The following RBFOX1 variants were observed in gnomAD, a reference collection of about 807,000 sequenced individuals.
RBFOX1 encodes RNA binding fox-1 homolog 1.
Under a neutral mutation model 57.7 loss-of-function variants are expected in RBFOX1, and 8 were observed. The observed-to-expected ratio is 0.14, with a 90% CI of 0.08 to 0.25. The LOEUF (loss-of-function observed/expected upper bound fraction) is 0.25, where lower values mean the gene tolerates loss of function less well. Among genes scored for constraint, RBFOX1 ranks in the 10% least tolerant of loss-of-function variants. RBFOX1 has a pLI of 1.00. For synonymous variants in RBFOX1, 326 were observed against 222.4 expected, an observed-to-expected ratio of 1.47 and a Z score of -4.15; for missense variants, 611 against 548.5, an observed-to-expected ratio of 1.11 and a Z score of -1.14.
At chr16:6,689,887 A>G (rs1295796158) in intron 3 of RBFOX1, among the ~76,000 whole-genome samples, 2 of 152,142 alleles carry the variant, frequency 1.3e-5, no homozygotes, top group South Asian at 2.1e-4. Flanking sequence ...CTTTTGTTTC[A>G]TGCTTGTGAG....
At chr16:7,548,200 TC>T (rs1450946212) in intron 5 of RBFOX1, among the ~76,000 whole-genome samples, 1 of 152,086 alleles carries the variant, frequency 6.6e-6, no homozygotes, top group Non-Finnish European at 1.5e-5. Flanking sequence ...AGACAGAGAG[TC>T]CCATCTGTCA....
chr16:5,823,922 C>G (rs2055944945), intron 3 of RBFOX1, among the ~76,000 whole-genome samples: 1 of 151,864 alleles, frequency 6.6e-6, no homozygotes, highest in East Asian at 1.9e-4. Context: ...TAATTGAATC[C>G]CACATCTCCC....
chr16:5,395,587 T>C (rs1211692816), intron 1 of RBFOX1, among the ~76,000 whole-genome samples: 1 of 152,194 alleles, frequency 6.6e-6, no homozygotes, highest in Non-Finnish European at 1.5e-5. Flanking sequence ...GTGGAGACGT[T>C]CAGGTGGTCC....
intron 1 of RBFOX1, among the ~76,000 whole-genome samples, chr16:5,353,802 C>T (rs192709762): frequency 1.8e-4 from 27 of 151,600 alleles, no homozygotes; most frequent in South Asian, 2.1e-4. Flanking sequence ...GGCTACTGTG[C>T]GCTTGCTCGC....
intron 2 of RBFOX1, among the ~76,000 whole-genome samples, chr16:6,416,132 C>T (rs1241493735): frequency 6.6e-6 from 1 of 152,186 alleles, no homozygotes; most frequent in Admixed American, 6.5e-5. Flanking sequence ...GCCGTGTCTA[C>T]TTTTTGGAAC....
At chr16:6,270,956 A>G (rs2075141039) in intron 1 of RBFOX1, among the ~76,000 whole-genome samples, 1 of 152,258 alleles carries the variant, frequency 6.6e-6, no homozygotes, top group Non-Finnish European at 1.5e-5. Context: ...CATGGATTAA[A>G]GAAGGAGTCT....
At chr16:5,681,750 G>A (rs191281903) in intron 3 of RBFOX1, among the ~76,000 whole-genome samples, 8 of 152,128 alleles carry the variant, frequency 5.3e-5, no homozygotes, top group Non-Finnish European at 5.9e-5. Context: ...AGAACGAGAA[G>A]GGGATATTTC....
chr16:5,629,617 C>G (rs561700861), intron 3 of RBFOX1, among the ~76,000 whole-genome samples: 1 of 152,192 alleles, frequency 6.6e-6, no homozygotes, highest in Non-Finnish European at 1.5e-5. Context: ...CACAAGAGAT[C>G]TTGTCCGTGG....
chr16:7,024,619 T>G (rs1033640414), intron 3 of RBFOX1, among the ~76,000 whole-genome samples: 13 of 152,188 alleles, frequency 8.5e-5, no homozygotes. Context: ...GCCACTCCCC[T>G]GCCACCATCT....
chr16:7,529,446 TGTA>T (rs1210787623), intron 5 of RBFOX1, among the ~76,000 whole-genome samples: 2 of 152,222 alleles, frequency 1.3e-5, no homozygotes, highest in African/African-American at 4.8e-5. Context: ...GTGGGGACCC[TGTA>T]GTAATTTAGC....
chr16:7,153,021 T>C (rs1024092857), intron 4 of RBFOX1, among the ~76,000 whole-genome samples: 1 of 152,226 alleles, frequency 6.6e-6, no homozygotes, highest in African/African-American at 2.4e-5. Context: ...GTGATTCTAA[T>C]ATATTTTTTT....
intron 1 of RBFOX1, among the ~76,000 whole-genome samples, chr16:6,054,077 A>G (rs2095585141): frequency 6.6e-6 from 1 of 152,138 alleles, no homozygotes; most frequent in Non-Finnish European, 1.5e-5. Context: ...TTAAATTTAA[A>G]GAAAGAAATA....
At chr16:6,578,282 C>G (rs978167536) in intron 2 of RBFOX1, among the ~76,000 whole-genome samples, 1 of 152,020 alleles carries the variant, frequency 6.6e-6, no homozygotes, top group African/African-American at 2.4e-5. Flanking sequence ...AGAATCTTGG[C>G]CTAAAATGGA....
intron 3 of RBFOX1, among the ~76,000 whole-genome samples, chr16:7,035,758 C>G (rs566842099): frequency 2.0e-5 from 3 of 152,196 alleles, no homozygotes; most frequent in South Asian, 2.1e-4. Context: ...TGTTGCAGAA[C>G]TTTTGGGAAT....
intron 4 of RBFOX1, among the ~76,000 whole-genome samples, chr16:7,204,052 C>G (rs879591768): frequency 6.6e-6 from 1 of 152,258 alleles, no homozygotes; most frequent in Non-Finnish European, 1.5e-5. Flanking sequence ...CAGGGTGCCC[C>G]TGACTTCTCC....
At chr16:5,807,500 T>C (rs959854405) in intron 3 of RBFOX1, among the ~76,000 whole-genome samples, 10 of 152,166 alleles carry the variant, frequency 6.6e-5, no homozygotes, top group African/African-American at 2.4e-4. Context: ...ACTGAGCACT[T>C]TTGCACAACC....
intron 1 of RBFOX1, among the ~76,000 whole-genome samples, chr16:5,283,081 A>G (rs1358763783): frequency 6.6e-6 from 1 of 152,236 alleles, no homozygotes; most frequent in Non-Finnish European, 1.5e-5. Flanking sequence ...GATACAACGT[A>G]GGCTGTGACT....
intron 2 of RBFOX1, among the ~76,000 whole-genome samples, chr16:5,510,961 T>C (rs2151722124): frequency 6.6e-6 from 1 of 152,342 alleles, no homozygotes; most frequent in Middle Eastern, 3.4e-3. Flanking sequence ...CACCTGTGCC[T>C]TGTATAATCC....
intron 1 of RBFOX1, among the ~76,000 whole-genome samples, chr16:5,375,446 A>T (rs1259769485): frequency 6.6e-6 from 1 of 152,090 alleles, no homozygotes. Flanking sequence ...TAAGGATCCT[A>T]GCCTGAGAGT....
Sources: allele counts gnomAD v4.1 joint callset (sites outside exome capture counted in the v4.1 genomes callset), GRCh38; gene constraint gnomAD v4.1.1; transcripts MANE v1.5; gene names NCBI Gene and HGNC (gene_info 2026-07-23, HGNC 2026-07-21).